Variants in ANAPC10 observed in about 807,000 individuals in gnomAD.
The protein encoded by ANAPC10 is anaphase promoting complex subunit 10, also known as anaphase-promoting complex subunit 10.
Under a neutral mutation model 22.0 loss-of-function variants are expected in ANAPC10, and 12 were observed. That is an observed-to-expected ratio of 0.55 (90% CI 0.35 to 0.88). The LOEUF (loss-of-function observed/expected upper bound fraction) is 0.88, where lower values mean the gene tolerates loss of function less well. Among genes scored for constraint, ANAPC10 ranks in the 40% least tolerant of loss-of-function variants. The pLI, the probability that ANAPC10 is intolerant of heterozygous loss-of-function variation, is 0.01. For synonymous variants in ANAPC10, 65 were observed against 69.5 expected (o/e 0.94, Z 0.32); for missense variants, 188 against 220.9 (o/e 0.85, Z 0.94).
At chr4:145,015,974 A>T (rs1366991702) in intron 4 of ANAPC10, among the ~76,000 whole-genome samples, 2 of 152,102 alleles carry the variant, frequency 1.3e-5, no homozygotes, top group Non-Finnish European at 2.9e-5. Flanking sequence ...ACACATCAAA[A>T]CAGAACCTCT....
intron 3 of ANAPC10, among the ~76,000 whole-genome samples, chr4:145,075,180 T>C (rs1745022644): frequency 6.6e-6 from 1 of 152,126 alleles, no homozygotes; most frequent in African/African-American, 2.4e-5. Context: ...AGCAACCACA[T>C]CACACTGTTA....
At chr4:145,051,208 G>A (rs965385180) in intron 4 of ANAPC10, among the ~76,000 whole-genome samples, 1 of 151,246 alleles carries the variant, frequency 6.6e-6, no homozygotes, top group African/African-American at 2.4e-5. Context: ...ATATTGTTGT[G>A]TCTCAGGGAA....
chr4:145,090,157 G>A (rs1026496702), intron 2 of ANAPC10, among the ~76,000 whole-genome samples: 1 of 152,214 alleles, frequency 6.6e-6, no homozygotes, highest in South Asian at 2.1e-4. Context: ...TGTGGTTAAC[G>A]AAATCCACTG....
chr4:145,007,205 C>T (rs896729658), intron 4 of ANAPC10, among the ~76,000 whole-genome samples: 3 of 151,958 alleles, frequency 2.0e-5, no homozygotes, highest in Admixed American at 6.6e-5. Context: ...ACTTTAACAC[C>T]CCACTGTCAA....
intron 2 of ANAPC10, among the ~76,000 whole-genome samples, chr4:145,083,504 G>T (rs1177640672): frequency 6.6e-6 from 1 of 152,068 alleles, no homozygotes; most frequent in African/African-American, 2.4e-5. Flanking sequence ...TTGCCAAATT[G>T]TCCTCTAAAA....
At chr4:145,093,815 A>G (rs1313377501) in intron 2 of ANAPC10, among the ~76,000 whole-genome samples, 1 of 152,224 alleles carries the variant, frequency 6.6e-6, no homozygotes, top group Non-Finnish European at 1.5e-5. Flanking sequence ...GTGAAAAAAA[A>G]TAGAGTACCC....
intron 4 of ANAPC10, among the ~76,000 whole-genome samples, chr4:145,041,840 C>T (rs1388299405): frequency 1.3e-5 from 2 of 152,124 alleles, no homozygotes; most frequent in Admixed American, 1.3e-4. Flanking sequence ...TGTAAACGTG[C>T]ATCTGAATTT....
chr4:145,007,383 T>C (rs1268838201), intron 4 of ANAPC10, among the ~76,000 whole-genome samples: 1 of 152,126 alleles, frequency 6.6e-6, no homozygotes, highest in East Asian at 1.9e-4. Flanking sequence ...GACCACATAG[T>C]TGGAAGTAAA....
At chr4:145,030,667 T>C (rs1737432289) in intron 4 of ANAPC10, among the ~76,000 whole-genome samples, 1 of 152,156 alleles carries the variant, frequency 6.6e-6, no homozygotes, top group Admixed American at 6.5e-5. Context: ...GGCATAGACA[T>C]ACTTAGCAGC....
intron 2 of ANAPC10, among the ~76,000 whole-genome samples, chr4:145,087,878 C>T (rs552421097): frequency 2.2e-4 from 34 of 152,080 alleles, no homozygotes; most frequent in African/African-American, 8.2e-4. Flanking sequence ...GAAACCCTGT[C>T]TAAACTAAAA....
chr4:145,030,544 C>A (rs1362438483), intron 4 of ANAPC10, among the ~76,000 whole-genome samples: 1 of 152,142 alleles, frequency 6.6e-6, no homozygotes, highest in Non-Finnish European at 1.5e-5. Context: ...AAAGTAGGGG[C>A]TTACAGAGGT....
chr4:145,074,167 G>C (rs1288843224), intron 3 of ANAPC10, among the ~76,000 whole-genome samples: 1 of 150,736 alleles, frequency 6.6e-6, no homozygotes, highest in Non-Finnish European at 1.5e-5. Context: ...ATATAAAATA[G>C]AGAAGCAAAA....
chr4:145,090,202 G>A (rs980543830), intron 2 of ANAPC10, among the ~76,000 whole-genome samples: 3 of 152,076 alleles, frequency 2.0e-5, no homozygotes, highest in Admixed American at 6.5e-5. Context: ...GGCTCCTCTT[G>A]TATACTTCAA....
chr4:145,065,111 C>T (rs1171931529), intron 3 of ANAPC10, among the ~76,000 whole-genome samples: 1 of 151,888 alleles, frequency 6.6e-6, no homozygotes, highest in African/African-American at 2.4e-5. Flanking sequence ...AAATAACTAG[C>T]TAAGTGAGGA....
chr4:145,034,561 G>T (rs1162550919), intron 4 of ANAPC10, among the ~76,000 whole-genome samples: 1 of 130,878 alleles, frequency 7.6e-6, no homozygotes, highest in Admixed American at 7.9e-5. Context: ...GTGTGTGTGT[G>T]TGTGTGTGTG....
chr4:145,064,267 A>C (rs1743346624), intron 4 of ANAPC10: 1 of 181,296 alleles, frequency 5.5e-6, no homozygotes, highest in African/African-American at 2.3e-5. Flanking sequence ...GACAGATTGT[A>C]ATAAAGCAAA....
rs1723584834 is a variant in ANAPC10 at position 145,084,518 on chromosome 4, T to C, written c.116-2768A>G. On this transcript the variant is annotated intron_variant, in intron 2 of 4. Coordinates refer to ENST00000507656, the MANE Select transcript of ANAPC10 (RefSeq NM_001256706.2). ...ATCTTTTGGCTTCCCTGGGCCACAC[T>C]GGAAGAAGAACTGTCTTGGGCCACA... is the stretch of plus-strand genomic sequence containing the variant. 2.0e-5 allele frequency among the ~76,000 whole-genome samples: 3 copies of C among 151,978 alleles called. No homozygotes were observed. The South Asian group carries it at 6.2e-4, about 32-fold the overall frequency.
chr4:145,047,209 C>T (rs780496133), intron 4 of ANAPC10, among the ~76,000 whole-genome samples: 5 of 152,066 alleles, frequency 3.3e-5, no homozygotes, highest in Non-Finnish European at 5.9e-5. Context: ...AGGCTCCAAA[C>T]CCCATGATTA....
chr4:145,019,015 T>G lies in ANAPC10; in HGVS notation c.328-23412A>C, dbSNP rs560971715. Reference sequence around the variant, plus strand: ...CCATAACAGTGGGGGACTTAAATACTCCACTGACAGCACTAGACAGGTCAT... The same window carrying G: ...CCATAACAGTGGGGGACTTAAATACGCCACTGACAGCACTAGACAGGTCAT... On this transcript the variant is annotated intron_variant, in intron 4 of 4. Transcript: ENST00000507656. Among the ~76,000 whole-genome samples the G allele has an allele frequency of 3.3e-5, 5 of 152,072 alleles. No homozygotes were observed. In the South Asian group the frequency reaches 1.0e-3, roughly 32 times the overall value.
Sources: gnomAD v4.1 joint callset for allele counts (sites outside exome capture counted in the v4.1 genomes callset) on GRCh38, gnomAD v4.1.1 for gene constraint, MANE v1.5 for transcripts, NCBI Gene and HGNC (gene_info 2026-07-23, HGNC 2026-07-21) for gene names.